Variants in PTN observed in about 807,000 individuals in gnomAD.
PTN encodes the protein pleiotrophin, also known as heparin affin regulatory protein.
In PTN, 18 loss-of-function variants were observed where a neutral mutation model predicts 24.1. That is an observed-to-expected ratio of 0.75 (90% CI 0.52 to 1.11). The LOEUF (loss-of-function observed/expected upper bound fraction) is 1.11, where lower values mean the gene tolerates loss of function less well. Ranked by LOEUF, PTN falls within the 50% of genes least tolerant of loss-of-function variation. PTN has a pLI of 0.00. For synonymous variants in PTN, 78 were observed against 68.6 expected, an observed-to-expected ratio of 1.14 and a Z score of -0.67; for missense variants, 163 against 198.8, an observed-to-expected ratio of 0.82 and a Z score of 1.08.
intron 4 of PTN, 121 bp from the exon 5 acceptor site, chr7:137,228,196 T>G (rs1460692532): frequency 6.1e-6 from 4 of 654,400 alleles, no homozygotes; most frequent in Non-Finnish European, 5.4e-6. Flanking sequence ...AGTTGTTTGC[T>G]CTTGGTAGTT....
intron 1 of PTN, among the ~76,000 whole-genome samples, chr7:137,289,244 T>C (rs554320431): frequency 6.6e-6 from 1 of 152,198 alleles, no homozygotes; most frequent in Non-Finnish European, 1.5e-5. Context: ...GCCTTGGTAT[T>C]GAAATGTGAT....
At chr7:137,259,964 T>C in intron 1 of PTN, among the ~76,000 whole-genome samples, 1 of 146,276 alleles carries the variant, frequency 6.8e-6, no homozygotes, top group South Asian at 2.1e-4. Flanking sequence ...ATAAAACTAT[T>C]ATGTCTCCCA....
At chr7:137,291,015 T>C (rs1809630823) in intron 1 of PTN, among the ~76,000 whole-genome samples, 1 of 152,334 alleles carries the variant, frequency 6.6e-6, no homozygotes, top group African/African-American at 2.4e-5. Context: ...TGATTGAAGC[T>C]GAATGATGAA....
At chr7:137,236,975 T>C (rs550403668) in intron 4 of PTN, among the ~76,000 whole-genome samples, 31 of 152,150 alleles carry the variant, frequency 2.0e-4, no homozygotes, top group Admixed American at 3.9e-4. Context: ...GTCCCATAAA[T>C]GTTTTTCCTA....
chr7:137,295,184 A>G (rs1809700132), intron 1 of PTN, among the ~76,000 whole-genome samples: 1 of 152,164 alleles, frequency 6.6e-6, no homozygotes, highest in Non-Finnish European at 1.5e-5. Flanking sequence ...TATCTCAAAT[A>G]TACTTATTCA....
intron 1 of PTN, among the ~76,000 whole-genome samples, chr7:137,282,227 T>A (rs1164356137): frequency 6.6e-6 from 1 of 152,210 alleles, no homozygotes. Flanking sequence ...AGCTATCACT[T>A]TTGTTTTTAG....
At chr7:137,251,728 C>T (rs1253801067) in intron 3 of PTN, among the ~76,000 whole-genome samples, 6 of 151,864 alleles carry the variant, frequency 4.0e-5, no homozygotes, top group Admixed American at 2.0e-4. Flanking sequence ...AACTCCTTAT[C>T]TGTTCTCTAG....
At chr7:137,288,506 C>G (rs1416358294) in intron 1 of PTN, among the ~76,000 whole-genome samples, 1 of 152,070 alleles carries the variant, frequency 6.6e-6, no homozygotes, top group African/African-American at 2.4e-5. Flanking sequence ...ATTCCAGGGG[C>G]CTCCAATGAA....
chr7:137,236,313 T>C, intron 4 of PTN: 1 of 701,042 alleles, frequency 1.4e-6, no homozygotes, highest in Non-Finnish European at 2.6e-6. Flanking sequence ...GCACTTTCTT[T>C]ACACAGTAGA....
chr7:137,275,895 C>A (rs976248006), intron 1 of PTN, among the ~76,000 whole-genome samples: 1 of 152,210 alleles, frequency 6.6e-6, no homozygotes, highest in Non-Finnish European at 1.5e-5. Flanking sequence ...TTATTAGCTA[C>A]TGACTTCAGA....
At chr7:137,239,621 A>G (rs1249517407) in intron 4 of PTN, among the ~76,000 whole-genome samples, 1 of 151,782 alleles carries the variant, frequency 6.6e-6, no homozygotes, top group Non-Finnish European at 1.5e-5. Flanking sequence ...TCATTGTTCA[A>G]TTCCCACCTA....
intron 1 of PTN, among the ~76,000 whole-genome samples, chr7:137,300,187 T>C (rs1809784620): frequency 6.6e-6 from 1 of 151,942 alleles, no homozygotes; most frequent in South Asian, 2.1e-4. Flanking sequence ...CATTTTTATA[T>C]CTTTTACCCC....
chr7:137,327,507 C>A (rs1283899448), intron 1 of PTN, among the ~76,000 whole-genome samples: 1 of 152,118 alleles, frequency 6.6e-6, no homozygotes, highest in Non-Finnish European at 1.5e-5. Flanking sequence ...TTCTGCCATA[C>A]ACAATGCCAC....
At chr7:137,246,325 G>A (rs2128870040) in intron 4 of PTN, among the ~76,000 whole-genome samples, 1 of 152,242 alleles carries the variant, frequency 6.6e-6, no homozygotes, top group South Asian at 2.1e-4. Context: ...GGAGCAATCG[G>A]CTATACCTTA....
At chr7:137,318,351 C>T (rs1454177417) in intron 1 of PTN, among the ~76,000 whole-genome samples, 1 of 152,162 alleles carries the variant, frequency 6.6e-6, no homozygotes, top group Non-Finnish European at 1.5e-5. Flanking sequence ...TTCAACACTT[C>T]ATCTCTCTCT....
intron 1 of PTN, among the ~76,000 whole-genome samples, chr7:137,283,285 A>C (rs1367117473): frequency 6.6e-6 from 1 of 152,230 alleles, no homozygotes; most frequent in Non-Finnish European, 1.5e-5. Context: ...TTTGGATTGA[A>C]GTTAGCTACT....
At chr7:137,239,064 G>A (rs921968709) in intron 4 of PTN, among the ~76,000 whole-genome samples, 1 of 152,190 alleles carries the variant, frequency 6.6e-6, no homozygotes, top group African/African-American at 2.4e-5. Context: ...CCAGGGAGAT[G>A]AAAGCAGACA....
chr7:137,327,823 G>A (rs1810287725), intron 1 of PTN, among the ~76,000 whole-genome samples: 1 of 152,120 alleles, frequency 6.6e-6, no homozygotes, highest in African/African-American at 2.4e-5. Flanking sequence ...TACAGGCCAG[G>A]ATCATGGACA....
intron 4 of PTN, among the ~76,000 whole-genome samples, chr7:137,242,465 C>T (rs1403418750): frequency 1.3e-5 from 2 of 152,152 alleles, no homozygotes; most frequent in Non-Finnish European, 2.9e-5. Context: ...ACATCTCTCC[C>T]TGTGTGCCCA....
Sources: allele counts gnomAD v4.1 joint callset (sites outside exome capture counted in the v4.1 genomes callset), GRCh38; gene constraint gnomAD v4.1.1; transcripts MANE v1.5; gene names NCBI Gene and HGNC (gene_info 2026-07-23, HGNC 2026-07-21).